Variants in PBX3 observed in about 807,000 individuals in gnomAD.
The protein encoded by PBX3 is pre-B-cell leukemia transcription factor 3.
Under a neutral mutation model 48.5 loss-of-function variants are expected in PBX3, and 14 were observed. The observed-to-expected ratio is 0.29, with a 90% CI of 0.19 to 0.45. PBX3 has a LOEUF of 0.45. Ranked by LOEUF, PBX3 falls within the 20% of genes least tolerant of loss-of-function variation. PBX3 has a pLI of 1.00. For synonymous variants in PBX3, 210 were observed against 200.3 expected, an observed-to-expected ratio of 1.05 and a Z score of -0.41; for missense variants, 386 against 546.7, an observed-to-expected ratio of 0.71 and a Z score of 2.93.
rs1454297068 is a variant in PBX3, at chr9:125,795,562, A to G, written c.274+46939A>G. Among the ~76,000 whole-genome samples the G allele has an allele frequency of 7.2e-5, 11 of 152,160 alleles. 1 individual carries two copies. The highest frequency in any genetic ancestry group is 1.0e-4 in the Non-Finnish European group (7 of 68,020). The stretch of plus-strand genomic sequence containing the variant: ...ACTCAGTTCAACAATCATATACAAC[A>G]TGTAAACTGTAATGATTCCAATGAT... On this transcript the variant is annotated intron_variant, in intron 2 of 8. Coordinates refer to ENST00000373489, the MANE Select transcript of PBX3 (RefSeq NM_006195.6).
intron 2 of PBX3, among the ~76,000 whole-genome samples, chr9:125,823,706 A>G (rs1048462330): frequency 6.6e-6 from 1 of 152,198 alleles, no homozygotes; most frequent in African/African-American, 2.4e-5. Context: ...TAGAAGACAG[A>G]AAAGAATGGT....
chr9:125,846,440 T>G (rs1375829487), intron 2 of PBX3, among the ~76,000 whole-genome samples: 3 of 152,072 alleles, frequency 2.0e-5, no homozygotes, highest in African/African-American at 7.2e-5. Context: ...ATTTACCTAA[T>G]TAGGAATTCA....
chr9:125,937,060 T>G (rs1329155052), intron 5 of PBX3, among the ~76,000 whole-genome samples: 1 of 152,128 alleles, frequency 6.6e-6, no homozygotes, highest in Non-Finnish European at 1.5e-5. Flanking sequence ...ACTCTCTGAC[T>G]TAGAATTTGA....
At chr9:125,816,810 G>A (rs1838479149) in intron 2 of PBX3, among the ~76,000 whole-genome samples, 1 of 152,156 alleles carries the variant, frequency 6.6e-6, no homozygotes, top group South Asian at 2.1e-4. Flanking sequence ...GCAGTTTCAT[G>A]GTCTTTGTGC....
intron 2 of PBX3, among the ~76,000 whole-genome samples, chr9:125,799,260 T>C (rs2132088026): frequency 6.6e-6 from 1 of 152,316 alleles, no homozygotes; most frequent in South Asian, 2.1e-4. Context: ...AGGCTTGTAA[T>C]CCTAGCACTT....
chr9:125,801,642 C>T (rs1257021732), intron 2 of PBX3, among the ~76,000 whole-genome samples: 4 of 148,818 alleles, frequency 2.7e-5, no homozygotes, highest in Admixed American at 6.8e-5. Flanking sequence ...TGTATGTTAT[C>T]GTGTGATATG....
At chr9:125,775,991 G>A (rs1472188773) in intron 2 of PBX3, among the ~76,000 whole-genome samples, 1 of 152,164 alleles carries the variant, frequency 6.6e-6, no homozygotes, top group Non-Finnish European at 1.5e-5. Context: ...GTTTTTTGGT[G>A]TGGATTCTTT....
chr9:125,857,338 G>T (rs1468753183), intron 2 of PBX3, among the ~76,000 whole-genome samples: 16 of 152,040 alleles, frequency 1.1e-4, no homozygotes, highest in Admixed American at 1.0e-3. Flanking sequence ...TTTTGTTTGA[G>T]GGTCATGTCA....
intron 2 of PBX3, among the ~76,000 whole-genome samples, chr9:125,899,454 TAGAG>T (rs202004098): frequency 0.034 from 3,537 of 103,734 alleles, 283 homozygotes; most frequent in African/African-American, 0.12. Flanking sequence ...TATATATATA[TAGAG>T]AGAGAGAGAG....
intron 2 of PBX3, among the ~76,000 whole-genome samples, chr9:125,884,566 A>G (rs1840455018): frequency 6.6e-6 from 1 of 152,228 alleles, no homozygotes; most frequent in Admixed American, 6.5e-5. Context: ...TTACTTTATT[A>G]CTAGTTGCCT....
At chr9:125,809,652 G>A (rs537298805) in intron 2 of PBX3, among the ~76,000 whole-genome samples, 6 of 152,042 alleles carry the variant, frequency 3.9e-5, no homozygotes, top group South Asian at 4.2e-4. Flanking sequence ...CAGGGTGGGC[G>A]AAAGATTTCT....
At chr9:125,798,819 A>C (rs1352156660) in intron 2 of PBX3, among the ~76,000 whole-genome samples, 4 of 152,096 alleles carry the variant, frequency 2.6e-5, no homozygotes, top group African/African-American at 9.7e-5. Context: ...GTTCCCTTCT[A>C]ATGAAATTAC....
intron 2 of PBX3, among the ~76,000 whole-genome samples, chr9:125,890,202 C>T (rs996726529): frequency 6.6e-6 from 1 of 152,158 alleles, no homozygotes; most frequent in Non-Finnish European, 1.5e-5. Flanking sequence ...ACTGCATAAC[C>T]ACCATGTGAA....
Position 125,881,294 on chromosome 9 carries a change from G to A in PBX3, c.275-34392G>A, listed in dbSNP as rs578158911. 3.7e-4 allele frequency among the ~76,000 whole-genome samples: 56 copies of A among 152,292 alleles called. 2 individuals carry two copies. The highest frequency in any genetic ancestry group is 1.2e-3 in the African/African-American group (50 of 41,574). On this transcript the variant is annotated intron_variant, in intron 2 of 8. Transcript: ENST00000373489. ...GCTTGGCAGCTGGCATCAAGGCAAG[G>A]TGACAAAAATAGGGAAGTATCAATT...
At chr9:125,953,889 A>T (rs1385911380) in intron 5 of PBX3, among the ~76,000 whole-genome samples, 1 of 152,182 alleles carries the variant, frequency 6.6e-6, no homozygotes, top group Admixed American at 6.5e-5. Context: ...GGGGGGACGC[A>T]TACTGTACAG....
intron 5 of PBX3, among the ~76,000 whole-genome samples, chr9:125,946,841 A>G (rs1842074878): frequency 1.3e-5 from 2 of 152,142 alleles, no homozygotes; most frequent in Admixed American, 1.3e-4. Context: ...CCCATAGCAA[A>G]TTCCAAGCCC....
At chr9:125,852,778 T>C (rs561575687) in intron 2 of PBX3, among the ~76,000 whole-genome samples, 188 of 152,308 alleles carry the variant, frequency 1.2e-3, no homozygotes, top group African/African-American at 4.4e-3. Context: ...ACCTTTCCAG[T>C]TATTTTTCTG....
At chr9:125,822,983 T>TA (rs201653798) in intron 2 of PBX3, among the ~76,000 whole-genome samples, 5,548 of 137,260 alleles carry the variant, frequency 0.04, 317 homozygotes, top group African/African-American at 0.13. Context: ...GCTAAGTAGC[T>TA]AAAAAAAAAA....
At chr9:125,764,161 CT>C (rs1214088531) in intron 2 of PBX3, among the ~76,000 whole-genome samples, 1 of 152,172 alleles carries the variant, frequency 6.6e-6, no homozygotes, top group Admixed American at 6.5e-5. Flanking sequence ...GGGCTTTCAC[CT>C]TTTTCCTGCC....
Sources: allele counts gnomAD v4.1 joint callset (sites outside exome capture counted in the v4.1 genomes callset), GRCh38; gene constraint gnomAD v4.1.1; transcripts MANE v1.5; gene names NCBI Gene and HGNC (gene_info 2026-07-23, HGNC 2026-07-21).